Variants in HPCAL1 observed in about 807,000 individuals in gnomAD.
HPCAL1 encodes hippocalcin-like protein 1.
In HPCAL1, 8 loss-of-function variants were observed where a neutral mutation model predicts 17.1. That is an observed-to-expected ratio of 0.47 (90% CI 0.27 to 0.84). HPCAL1 has a LOEUF of 0.84. Among genes scored for constraint, HPCAL1 ranks in the 40% least tolerant of loss-of-function variants. The probability of loss-of-function intolerance (pLI) is 0.13; values close to 1 mark genes in which losing one functional copy is unlikely to be tolerated. For synonymous variants in HPCAL1, 112 were observed against 111.4 expected (o/e 1.01, Z -0.03); for missense variants, 165 against 271.1 (o/e 0.61, Z 2.75).
At chr2:10,321,020 A>G (rs1018625937) in intron 1 of HPCAL1, among the ~76,000 whole-genome samples, 1 of 152,020 alleles carries the variant, frequency 6.6e-6, no homozygotes, top group African/African-American at 2.4e-5. Context: ...ATAAAGAAAT[A>G]CCTGAGACAC....
Position 10,331,159 on chromosome 2 carries a change from C to G in HPCAL1, c.-111+27982C>G, listed in dbSNP as rs1664347175. 6.6e-6 allele frequency among the ~76,000 whole-genome samples: 1 copy of G among 152,162 alleles called. No homozygotes were observed. Among genetic ancestry groups the G allele is most frequent in the South Asian group, 2.1e-4 (1 of 4,828 alleles). On this transcript the variant is annotated intron_variant, in intron 1 of 4. Coordinates refer to ENST00000307845, the MANE Select transcript of HPCAL1 (RefSeq NM_002149.4). The surrounding 1 kb of genome is among the most constrained non-coding windows in gnomAD (Gnocchi z 5.0). Reference sequence around the variant, plus strand: ...TACTGCATGCGGGCCTTGCCAAGAGCCTGCAGAGGGCGGGGCGGGCTCTGG... The same window carrying G: ...TACTGCATGCGGGCCTTGCCAAGAGGCTGCAGAGGGCGGGGCGGGCTCTGG...
intron 1 of HPCAL1, among the ~76,000 whole-genome samples, chr2:10,391,811 C>A (rs112060230): frequency 6.6e-6 from 1 of 151,814 alleles, no homozygotes; most frequent in Non-Finnish European, 1.5e-5. Context: ...TGCAGTGGCA[C>A]GATCTCAGCT....
At chr2:10,339,693 C>T (rs1664949190) in intron 1 of HPCAL1, among the ~76,000 whole-genome samples, 1 of 152,184 alleles carries the variant, frequency 6.6e-6, no homozygotes, top group Admixed American at 6.5e-5. Context: ...AACAACAATC[C>T]TATGAGGTAG....
At chr2:10,345,619 G>A (rs1042665433) in intron 1 of HPCAL1, among the ~76,000 whole-genome samples, 4 of 151,976 alleles carry the variant, frequency 2.6e-5, no homozygotes, top group African/African-American at 9.7e-5. Context: ...ACCACACCCA[G>A]CTAATTTTTG....
intron 1 of HPCAL1, among the ~76,000 whole-genome samples, chr2:10,373,291 G>T (rs1413862546): frequency 1.3e-5 from 2 of 152,220 alleles, no homozygotes; most frequent in Non-Finnish European, 2.9e-5. Context: ...ATGAGAGGCA[G>T]ATGGGGAAAC....
chr2:10,315,765 G>A (rs1379289083), intron 1 of HPCAL1, among the ~76,000 whole-genome samples: 1 of 152,210 alleles, frequency 6.6e-6, no homozygotes, highest in Non-Finnish European at 1.5e-5. Flanking sequence ...CCAGCACTTT[G>A]GGAGGCTGAG....
chr2:10,338,267 G>A (rs547624468), intron 1 of HPCAL1, among the ~76,000 whole-genome samples: 1 of 152,260 alleles, frequency 6.6e-6, no homozygotes, highest in South Asian at 2.1e-4. Flanking sequence ...GGTGGTGGCT[G>A]TAGGACCTGG....
At chr2:10,385,789 C>A (rs1224935645) in intron 1 of HPCAL1, among the ~76,000 whole-genome samples, 1 of 152,138 alleles carries the variant, frequency 6.6e-6, no homozygotes, top group Non-Finnish European at 1.5e-5. Context: ...GCCGAGCCCC[C>A]ACATGTTCTG....
At position 10,331,218 on chromosome 2, in the gene HPCAL1, GC is replaced by G. The variant is rs200137738; in HGVS notation, c.-111+28046del. Among the ~76,000 whole-genome samples the G allele has an allele frequency of 8.0e-3, 1,223 of 152,170 alleles. 20 individuals carry two copies. Among genetic ancestry groups the G allele is most frequent in the African/African-American group, 0.028 (1,142 of 41,500 alleles). ...TGGACTCTCCTGCCTGCCCCCAGGTGCCCCCGGCCCAGCCACAGGGTGCTGG... is the reference window on the plus strand; with the variant it reads ...TGGACTCTCCTGCCTGCCCCCAGGTGCCCCGGCCCAGCCACAGGGTGCTGG... On this transcript the variant is annotated intron_variant, in intron 1 of 4. Transcript: ENST00000307845. The surrounding 1 kb of genome is among the most constrained non-coding windows in gnomAD (Gnocchi z 5.0).
intron 1 of HPCAL1, among the ~76,000 whole-genome samples, chr2:10,315,932 A>T (rs1663285463): frequency 6.6e-6 from 1 of 152,176 alleles, no homozygotes; most frequent in South Asian, 2.1e-4. Flanking sequence ...TCTTGAACCC[A>T]GGAGGTGGAG....
At chr2:10,391,691 A>G (rs187936810) in intron 1 of HPCAL1, among the ~76,000 whole-genome samples, 64 of 152,318 alleles carry the variant, frequency 4.2e-4, no homozygotes, top group Middle Eastern at 3.4e-3. Flanking sequence ...CATTTTATAT[A>G]GATGGAATCA....
chr2:10,333,872 G>A (rs2125426690), intron 1 of HPCAL1, among the ~76,000 whole-genome samples: 1 of 152,274 alleles, frequency 6.6e-6, no homozygotes, highest in Middle Eastern at 3.4e-3. Flanking sequence ...ACATCAACCT[G>A]TAAAGGAATA....
intron 1 of HPCAL1, among the ~76,000 whole-genome samples, chr2:10,385,711 G>T (rs943918016): frequency 2.0e-5 from 3 of 152,218 alleles, no homozygotes; most frequent in Admixed American, 2.0e-4. Context: ...TGGGAACCCA[G>T]AGGCTGCTCA....
rs551977066 is a variant in HPCAL1, at chr2:10,342,735, T to C, written c.-111+39558T>C. On this transcript the variant is annotated intron_variant, in intron 1 of 4. Transcript: ENST00000307845. The surrounding 1 kb of genome is among the most constrained non-coding windows in gnomAD (Gnocchi z 4.1). ...TTGTTTTGTCACCCAGCCGGACTCC[T>C]GGGCAAAGAGAGGCACAATCTGTTC... Among the ~76,000 whole-genome samples the C allele has an allele frequency of 1.3e-5, 2 of 152,184 alleles. No homozygotes were observed. Among genetic ancestry groups the C allele is most frequent in the African/African-American group, 4.8e-5 (2 of 41,428 alleles).
chr2:10,339,257 A>G (rs986196623), intron 1 of HPCAL1, among the ~76,000 whole-genome samples: 1 of 152,058 alleles, frequency 6.6e-6, no homozygotes, highest in African/African-American at 2.4e-5. Flanking sequence ...GGTTCAAGTG[A>G]TTCTCCTGCC....
chr2:10,413,796 C>T lies in HPCAL1; in HGVS notation c.-24-5938C>T, dbSNP rs145218588. On this transcript the variant is annotated intron_variant, in intron 2 of 4. Coordinates refer to ENST00000307845, the MANE Select transcript of HPCAL1 (RefSeq NM_002149.4). Reference sequence around the variant, plus strand: ...CCGATCCATCCTGGGATAAATTTCTCCCTTCGTTCTGAGAGGTGATTTGGT... The same window carrying T: ...CCGATCCATCCTGGGATAAATTTCTTCCTTCGTTCTGAGAGGTGATTTGGT... 3.0e-3 allele frequency among the ~76,000 whole-genome samples: 456 copies of T among 152,380 alleles called. 7 individuals carry two copies. Among genetic ancestry groups the T allele is most frequent in the African/African-American group, 0.01 (434 of 41,594 alleles).
chr2:10,407,219 T>C (rs999199333), intron 2 of HPCAL1, among the ~76,000 whole-genome samples: 3 of 152,214 alleles, frequency 2.0e-5, no homozygotes, highest in African/African-American at 7.2e-5. Flanking sequence ...TGCAGCTGTT[T>C]CCATGCCAGA....
At chr2:10,403,703 G>C (rs1307727667) in intron 2 of HPCAL1, among the ~76,000 whole-genome samples, 1 of 151,956 alleles carries the variant, frequency 6.6e-6, no homozygotes, top group Non-Finnish European at 1.5e-5. Context: ...GGCTGGTCTT[G>C]AACTCCTGAC....
At position 10,390,773 on chromosome 2, in the gene HPCAL1, C is replaced by G. The variant is rs1308169725; in HGVS notation, c.-110-6062C>G. Among the ~76,000 whole-genome samples, 4 of 152,072 alleles carry G rather than the reference C, an allele frequency of 2.6e-5. No individual in the cohort carries two copies. The East Asian group carries it at 7.7e-4, about 29-fold the overall frequency. On this transcript the variant is annotated intron_variant, in intron 1 of 4. Transcript: ENST00000307845. The stretch of plus-strand genomic sequence containing the variant: ...AAATGGGCACCGAATGCACCCCACC[C>G]CCCGGCCTGGGACTGGGCCAAGAAG...
Sources: gnomAD v4.1 joint callset for allele counts (sites outside exome capture counted in the v4.1 genomes callset) on GRCh38, gnomAD v4.1.1 for gene constraint, Gnocchi (gnomAD v3.1) non-coding constraint, MANE v1.5 for transcripts, NCBI Gene and HGNC (gene_info 2026-07-23, HGNC 2026-07-21) for gene names.